The following PRR16 variants were observed in gnomAD, a reference collection of about 807,000 sequenced individuals.
PRR16 encodes proline rich 16.
Under a neutral mutation model 18.2 loss-of-function variants are expected in PRR16, and 6 were observed. The ratio of observed to expected loss-of-function variants is 0.33; its 90% CI spans 0.18 to 0.65. PRR16 has a LOEUF of 0.65. Ranked by LOEUF, PRR16 falls within the 30% of genes least tolerant of loss-of-function variation. PRR16 has a pLI of 0.74. For missense variants in PRR16, 412 were observed against 376.6 expected, an observed-to-expected ratio of 1.09 and a Z score of -0.78; for synonymous variants, 151 against 147.8, an observed-to-expected ratio of 1.02 and a Z score of -0.16.
chr5:120,644,261 GATT>G (rs1249486336), intron 1 of PRR16, among the ~76,000 whole-genome samples: 2 of 152,036 alleles, frequency 1.3e-5, no homozygotes, highest in South Asian at 4.1e-4. Flanking sequence ...TTCAGTAAAT[GATT>G]ATTATTTTTA....
At chr5:120,563,399 A>G (rs530815208) in intron 1 of PRR16, among the ~76,000 whole-genome samples, 16 of 152,262 alleles carry the variant, frequency 1.1e-4, no homozygotes, top group Non-Finnish European at 1.3e-4. Context: ...AAAACCTTAG[A>G]AATTAGCCTG....
intron 1 of PRR16, among the ~76,000 whole-genome samples, chr5:120,542,027 T>C (rs1751932873): frequency 6.6e-6 from 1 of 152,098 alleles, no homozygotes; most frequent in African/African-American, 2.4e-5. Context: ...ATGATTGACA[T>C]TTCTTTTCCT....
intron 1 of PRR16, among the ~76,000 whole-genome samples, chr5:120,646,561 ATTT>A (rs1439378649): frequency 1.3e-5 from 2 of 152,016 alleles, no homozygotes; most frequent in Non-Finnish European, 2.9e-5. Context: ...GAAATGCATG[ATTT>A]TTTAGCTTCC....
rs1466143970 is a variant in PRR16 at position 120,686,613 on chromosome 5, C to T, written c.819C>T (p.Asn273=). 1 of 1,612,862 alleles carries T rather than the reference C, an allele frequency of 6.2e-7. No individual in the cohort carries two copies. Among genetic ancestry groups the T allele is most frequent in the Admixed American group, 1.7e-5 (1 of 59,920 alleles). ...GGGGAATGGGAATAAGCCACAGTAACAGCTTCCCCCCTATCAGACCTGCAA... is the reference window on the plus strand; with the variant it reads ...GGGGAATGGGAATAAGCCACAGTAATAGCTTCCCCCCTATCAGACCTGCAA... ...ENGGMGISHS[N]SFPPIRPATV... Residue 273 remains asparagine, a synonymous_variant, in exon 2 of 2, where the codon AAC becomes AAT. Coordinates refer to ENST00000407149, the MANE Select transcript of PRR16 (RefSeq NM_001300783.2).
intron 1 of PRR16, among the ~76,000 whole-genome samples, chr5:120,653,995 G>T (rs1755879672): frequency 6.6e-6 from 1 of 151,954 alleles, no homozygotes; most frequent in African/African-American, 2.4e-5. Context: ...ATATCCAAAA[G>T]GTAGCTAGGC....
chr5:120,686,906 T>C lies in PRR16; in HGVS notation c.*197T>C. ...ATGCATTATTTTAAATGTTGTATCATTAAAAACCTCAGAATGATGAAAAAT... is the reference window on the plus strand; with the variant it reads ...ATGCATTATTTTAAATGTTGTATCACTAAAAACCTCAGAATGATGAAAAAT... On this transcript the variant is annotated 3_prime_UTR_variant, in exon 2 of 2. Coordinates refer to ENST00000407149, the MANE Select transcript of PRR16 (RefSeq NM_001300783.2). 1 of 402,930 alleles carries C rather than the reference T, an allele frequency of 2.5e-6. No homozygotes were observed. 25.0% of individuals were successfully genotyped at this position (402,930 alleles called of 1,614,324 possible).
chr5:120,724,622 C>T, the PRR16 span, among the ~76,000 whole-genome samples: 1 of 151,934 alleles, frequency 6.6e-6, no homozygotes, highest in Non-Finnish European at 1.5e-5. Context: ...TTTTGTTTTG[C>T]CTGTTTAACT....
At chr5:120,685,049 C>A (rs923803014) in intron 1 of PRR16, among the ~76,000 whole-genome samples, 6 of 152,318 alleles carry the variant, frequency 3.9e-5, no homozygotes, top group African/African-American at 1.4e-4. Flanking sequence ...CTTTCCCTTT[C>A]TCCAAGGCGA....
the PRR16 span, among the ~76,000 whole-genome samples, chr5:120,693,202 C>T: frequency 4.0e-4 from 61 of 152,288 alleles, no homozygotes; most frequent in African/African-American, 1.4e-3. Flanking sequence ...GTTTGAGTCT[C>T]AGTCCTTCTA....
intron 1 of PRR16, among the ~76,000 whole-genome samples, chr5:120,466,887 A>T (rs1749122797): frequency 6.6e-6 from 1 of 152,176 alleles, no homozygotes; most frequent in African/African-American, 2.4e-5. Flanking sequence ...ATGTGATGTG[A>T]TTGTTAATTA....
chr5:120,695,121 T>C, the PRR16 span, among the ~76,000 whole-genome samples: 1 of 152,218 alleles, frequency 6.6e-6, no homozygotes, highest in Non-Finnish European at 1.5e-5. Context: ...CTGGCACTAT[T>C]ATTTTCTACC....
At chr5:120,759,465 G>C in the PRR16 span, among the ~76,000 whole-genome samples, 1 of 151,970 alleles carries the variant, frequency 6.6e-6, no homozygotes. Context: ...AACATTATAT[G>C]AAAAAGCAGA....
At chr5:120,526,153 C>T (rs1305136107) in intron 1 of PRR16, among the ~76,000 whole-genome samples, 4 of 152,110 alleles carry the variant, frequency 2.6e-5, no homozygotes, top group African/African-American at 9.7e-5. Context: ...AGTTGAAAAA[C>T]TCCCACAGGT....
the PRR16 span, among the ~76,000 whole-genome samples, chr5:120,714,763 G>A: frequency 4.1e-4 from 62 of 152,208 alleles, no homozygotes; most frequent in African/African-American, 1.5e-3. Context: ...TGATAGACTG[G>A]ATAAAGAAAA....
chr5:120,762,983 A>G, the PRR16 span, among the ~76,000 whole-genome samples: 1 of 152,094 alleles, frequency 6.6e-6, no homozygotes, highest in Non-Finnish European at 1.5e-5. Flanking sequence ...TTTTCTGCAT[A>G]TGAATATCCA....
chr5:120,552,666 T>C (rs1752289931), intron 1 of PRR16, among the ~76,000 whole-genome samples: 1 of 151,970 alleles, frequency 6.6e-6, no homozygotes, highest in Admixed American at 6.6e-5. Context: ...ACCATATTTT[T>C]TGGTTGTGGA....
chr5:120,733,943 A>C, the PRR16 span, among the ~76,000 whole-genome samples: 1 of 152,194 alleles, frequency 6.6e-6, no homozygotes, highest in Non-Finnish European at 1.5e-5. Context: ...ATTTTATTTC[A>C]ATCTGTGTTA....
chr5:120,529,620 A>G (rs1323337559), intron 1 of PRR16, among the ~76,000 whole-genome samples: 1 of 152,142 alleles, frequency 6.6e-6, no homozygotes, highest in Non-Finnish European at 1.5e-5. Context: ...TCATGGCTTG[A>G]GAAGTGTTCC....
chr5:120,479,153 G>A (rs1180369940), intron 1 of PRR16, among the ~76,000 whole-genome samples: 2 of 152,114 alleles, frequency 1.3e-5, no homozygotes, highest in African/African-American at 2.4e-5. Context: ...TAGAAATGGG[G>A]CTTTCCTAAC....
Sources: allele counts gnomAD v4.1 joint callset (sites outside exome capture counted in the v4.1 genomes callset), GRCh38; gene constraint gnomAD v4.1.1; transcripts MANE v1.5; gene names NCBI Gene and HGNC (gene_info 2026-07-23, HGNC 2026-07-21).